Variants in UBE2L5 observed in about 807,000 individuals in gnomAD.
UBE2L5 encodes ubiquitin conjugating enzyme E2 L5.
In UBE2L5, 3 loss-of-function variants were observed where a neutral mutation model predicts 10.0. The observed-to-expected ratio is 0.30, with a 90% CI of 0.14 to 0.78. The LOEUF (loss-of-function observed/expected upper bound fraction) is 0.78, where lower values mean the gene tolerates loss of function less well. UBE2L5 is among the 30% of genes least tolerant of loss of function. The probability of loss-of-function intolerance (pLI) is 0.65; values close to 1 mark genes in which losing one functional copy is unlikely to be tolerated. For missense variants in UBE2L5, 131 were observed against 193.3 expected, an observed-to-expected ratio of 0.68 and a Z score of 1.91; for synonymous variants, 60 against 71.9, an observed-to-expected ratio of 0.83 and a Z score of 0.83.
Position 30,428,350 on chromosome 13 carries a change from G to T in UBE2L5, c.360G>T (p.Pro120=), listed in dbSNP as rs1239280545. The change falls in exon 4 of 4, where the codon CCG becomes CCT. Residue 120 remains proline, a synonymous_variant. Transcript: ENST00000635918. ...TGAATGACCCGCAGCCCGAGCACCCGCTTCGGGCTGACCTAGCTGAAGAAT... is the reference window on the plus strand; with the variant it reads ...TGAATGACCCGCAGCCCGAGCACCCTCTTCGGGCTGACCTAGCTGAAGAAT... The part of the protein sequence containing the change: ...ALVNDPQPEH[P]LRADLAEEYS... 5.6e-6 allele frequency: 9 copies of T among 1,611,198 alleles called. No homozygotes were observed. The highest frequency in any genetic ancestry group is 5.9e-6 in the Non-Finnish European group (7 of 1,178,834).
chr13:30,427,859 T>G lies in UBE2L5; in HGVS notation c.-132T>G, dbSNP rs1186680333. On this transcript the variant is annotated 5_prime_UTR_variant, in exon 4 of 4. Coordinates refer to ENST00000635918, the MANE Select transcript of UBE2L5 (RefSeq NM_001355247.2). ...GTGGATGATCACTCTAACCAACCAGTGGGCAAGTTGCTTTGCTCAGCGTAA... is the reference window on the plus strand; with the variant it reads ...GTGGATGATCACTCTAACCAACCAGGGGGCAAGTTGCTTTGCTCAGCGTAA... 1.4e-6 allele frequency: 1 copy of G among 715,934 alleles called. No homozygotes were observed. The highest frequency in any genetic ancestry group is 1.8e-5 in the African/African-American group (1 of 56,704). 44.3% of individuals were successfully genotyped at this position (715,934 alleles called of 1,614,324 possible). A position where few individuals can be genotyped will look rare whatever the true frequency, so the allele number is the denominator to read the frequency against.
rs1885576605 is a variant in UBE2L5 at position 30,428,697 on chromosome 13, ACACTGGACTAGTTGTTGTTTT to A, written c.*243_*263del. The stretch of plus-strand genomic sequence containing the variant: ...AGTGGCCATTAATAGACGGAACTAT[ACACTGGACTAGTTGTTGTTTT>A]AAAAACATAAAATCTGGCTACCCTA... On this transcript the variant is annotated 3_prime_UTR_variant, in exon 4 of 4. Coordinates refer to ENST00000635918, the MANE Select transcript of UBE2L5 (RefSeq NM_001355247.2). 2.1e-6 allele frequency: 1 copy of A among 471,776 alleles called. No individual in the cohort carries two copies. The highest frequency in any genetic ancestry group is 2.0e-5 in the African/African-American group (1 of 48,932). The allele number at this position is 471,776 out of a possible 1,614,324, so 29.2% of individuals were successfully genotyped here. A position where few individuals can be genotyped will look rare whatever the true frequency, so the allele number is the denominator to read the frequency against.
intron 3 of UBE2L5, chr13:30,426,996 T>C (rs1004979456): frequency 6.6e-6 from 1 of 152,238 alleles, no homozygotes; most frequent in Admixed American, 6.5e-5. Context: ...TAATTTATTG[T>C]AAAAGATAAT....
At position 30,427,597 on chromosome 13, in the gene UBE2L5, C is replaced by T. The variant is rs529632194; in HGVS notation, c.-394C>T. ...GGCGGATCACTTGAGGTCAGGAGTT[C>T]GAGACTAGCCAGGCCAACATGGTGA... On this transcript the variant is annotated 5_prime_UTR_variant, in exon 4 of 4. Transcript: ENST00000635918. 1.0e-5 allele frequency: 2 copies of T among 193,464 alleles called. No homozygotes were observed. Among genetic ancestry groups the T allele is most frequent in the African/African-American group, 2.4e-5 (1 of 41,964 alleles). The allele number at this position is 193,464 out of a possible 1,614,324, so 12.0% of individuals were successfully genotyped here.
At chr13:30,423,391 C>A (rs946188296) in intron 1 of UBE2L5, among the ~76,000 whole-genome samples, 1 of 152,102 alleles carries the variant, frequency 6.6e-6, no homozygotes, top group Non-Finnish European at 1.5e-5. Flanking sequence ...GCAGGAGGAT[C>A]ATTTGAGTCC....
In UBE2L5 at chr13:30,428,125, G is replaced by A. The variant is rs1034650770; in HGVS notation, c.135G>A (p.Pro45=). The part of the protein sequence containing the change: ...WQGLIVPDNP[P]YNKGAFRIEI... ...GGCTTATTGTTCCTGACAACCCTCC[G>A]TATAATAAGGGGGCCTTCAGAATCG... The change falls in exon 4 of 4, where the codon CCG becomes CCA. Residue 45 remains proline (P), a synonymous_variant. Transcript: ENST00000635918. The A allele has an allele frequency of 3.1e-6, 5 of 1,608,220 alleles. No individual in the cohort carries two copies. Among genetic ancestry groups the A allele is most frequent in the East Asian group, 4.5e-5 (2 of 44,860 alleles).
rs1383439516 is a variant in UBE2L5, at chr13:30,428,220, C to T, written c.230C>T (p.Pro77Leu). 1.2e-6 allele frequency: 2 copies of T among 1,609,256 alleles called. No homozygotes were observed. Among genetic ancestry groups the T allele is most frequent in the Admixed American group, 1.7e-5 (1 of 59,954 alleles). Residue 77 changes from proline to leucine, a missense_variant, in exon 4 of 4, where the codon CCG becomes CTG. By Grantham distance (98) the Pro-to-Leu change is moderately conservative (BLOSUM62 -3). Transcript: ENST00000635918. ...RITFKTKIYH[P>L]NIDEKGQVCL... ...ACATTTAAAACAAAGATCTATCACC[C>T]GAACATCGACGAAAAGGGGCAGGTC...
rs997281070 is a variant in UBE2L5 at position 30,428,520 on chromosome 13, G to T, written c.*65G>T. The T allele has an allele frequency of 5.1e-6, 8 of 1,559,830 alleles. No homozygotes were observed. The African/African-American group carries it at 9.7e-5, about 19-fold the overall frequency. On this transcript the variant is annotated 3_prime_UTR_variant, in exon 4 of 4. Transcript: ENST00000635918. Reference sequence around the variant, plus strand: ...CCCGTGCAGTACATTCAGACACCCCGCAAAGCAGGACTCTGTGGAAATTGA... The same window carrying T: ...CCCGTGCAGTACATTCAGACACCCCTCAAAGCAGGACTCTGTGGAAATTGA...
At chr13:30,426,840 T>C (rs150596177) in intron 3 of UBE2L5, 62 bp downstream of exon 3, 4 of 152,368 alleles carry the variant, frequency 2.6e-5, no homozygotes, top group African/African-American at 7.2e-5. Context: ...AGAAGTCTTA[T>C]TGAAGCCAAG....
In UBE2L5 at chr13:30,428,020, G is replaced by T. The variant is rs1885564754; in HGVS notation, c.30G>T (p.Glu10Asp). ...CGGCCAGCAGGAGGCTGATGAAGGA[G>T]CTTGAAGAAATCCGCAAATGTGGAA... MAASRRLMK[E>D]LEEIRKCGME... Residue 10 changes from glutamate to aspartate, a missense_variant, in exon 4 of 4, where the codon GAG (glutamate) becomes GAT (aspartate). Coordinates refer to ENST00000635918, the MANE Select transcript of UBE2L5 (RefSeq NM_001355247.2). The T allele has an allele frequency of 6.2e-7, 1 of 1,603,566 alleles. No individual in the cohort carries two copies. The highest frequency in any genetic ancestry group is 8.5e-7 in the Non-Finnish European group (1 of 1,170,480).
intron 1 of UBE2L5, among the ~76,000 whole-genome samples, 175 bp from the exon 2 acceptor site, chr13:30,424,633 C>A (rs1177897408): frequency 6.6e-6 from 1 of 152,148 alleles, no homozygotes; most frequent in African/African-American, 2.4e-5. Flanking sequence ...ATAGTTATAA[C>A]CAAACTACCT....
chr13:30,426,517 C>T (rs1159411315), intron 2 of UBE2L5, among the ~76,000 whole-genome samples: 2 of 152,090 alleles, frequency 1.3e-5, no homozygotes, highest in Non-Finnish European at 2.9e-5. Context: ...TATTTTGAAT[C>T]GTACTTGTTC....
chr13:30,428,556 C>T lies in UBE2L5; in HGVS notation c.*101C>T. 2 of 1,373,722 alleles carry T rather than the reference C, an allele frequency of 1.5e-6. No individual in the cohort carries two copies. Among genetic ancestry groups the T allele is most frequent in the South Asian group, 2.7e-5 (2 of 73,586 alleles). 85.1% of individuals were successfully genotyped at this position (1,373,722 alleles called of 1,614,324 possible). A position where few individuals can be genotyped will look rare whatever the true frequency, so the allele number is the denominator to read the frequency against. ...CTCTGTGGAAATTGATACGTGCCAC[C>T]GTCTGGCGTTCGCTTGCAGCAGTTA... On this transcript the variant is annotated 3_prime_UTR_variant, in exon 4 of 4. Coordinates refer to ENST00000635918, the MANE Select transcript of UBE2L5 (RefSeq NM_001355247.2).
Position 30,428,672 on chromosome 13 carries a change from A to T in UBE2L5, c.*217A>T. ...TTAAGATGTTCTTAAAAAAAAAAAA[A>T]GTGGCCATTAATAGACGGAACTATA... is the stretch of plus-strand genomic sequence containing the variant. On this transcript the variant is annotated 3_prime_UTR_variant, in exon 4 of 4. Coordinates refer to ENST00000635918, the MANE Select transcript of UBE2L5 (RefSeq NM_001355247.2). 1.8e-6 allele frequency: 1 copy of T among 542,094 alleles called. No individual in the cohort carries two copies. Among genetic ancestry groups the T allele is most frequent in the Non-Finnish European group, 3.1e-6 (1 of 319,188 alleles). 33.6% of individuals were successfully genotyped at this position (542,094 alleles called of 1,614,324 possible). A position where few individuals can be genotyped will look rare whatever the true frequency, so the allele number is the denominator to read the frequency against.
chr13:30,426,319 A>C, intron 2 of UBE2L5, among the ~76,000 whole-genome samples: 1 of 152,176 alleles, frequency 6.6e-6, no homozygotes, highest in East Asian at 1.9e-4. Flanking sequence ...CTCAAAAAAA[A>C]CAAAAAAGAA....
At chr13:30,423,707 G>A (rs1593238274) in intron 1 of UBE2L5, among the ~76,000 whole-genome samples, 2 of 152,326 alleles carry the variant, frequency 1.3e-5, no homozygotes, top group Non-Finnish European at 1.5e-5. Flanking sequence ...GGGAAGGTAG[G>A]GTAATAGAAA....
At position 30,427,971 on chromosome 13, in the gene UBE2L5, G is replaced by A. The variant is rs756108114; in HGVS notation, c.-20G>A. ...CGTTACCACGATGCATTCTGGGAAAGAAGCAGCACCAAATCCAAGATGGCG... is the reference window on the plus strand; with the variant it reads ...CGTTACCACGATGCATTCTGGGAAAAAAGCAGCACCAAATCCAAGATGGCG... On this transcript the variant is annotated 5_prime_UTR_variant, in exon 4 of 4. Coordinates refer to ENST00000635918, the MANE Select transcript of UBE2L5 (RefSeq NM_001355247.2). 40 of 1,442,338 alleles carry A rather than the reference G, an allele frequency of 2.8e-5. No homozygotes were observed. Among genetic ancestry groups the A allele is most frequent in the Non-Finnish European group, 3.7e-5 (38 of 1,024,812 alleles). The allele number at this position is 1,442,338 out of a possible 1,614,324, so 89.3% of individuals were successfully genotyped here. A position where few individuals can be genotyped will look rare whatever the true frequency, so the allele number is the denominator to read the frequency against.
chr13:30,428,013 TGAAG>T lies in UBE2L5; in HGVS notation c.26_29del (p.Lys9SerfsTer24). 2 of 1,596,134 alleles carry T rather than the reference TGAAG, an allele frequency of 1.3e-6. No individual in the cohort carries two copies. Among genetic ancestry groups the T allele is most frequent in the Non-Finnish European group, 1.7e-6 (2 of 1,163,660 alleles). ...AAGATGGCGGCCAGCAGGAGGCTGA[TGAAG>T]GAGCTTGAAGAAATCCGCAAATGTG... is the stretch of plus-strand genomic sequence containing the variant. On this transcript the variant is annotated frameshift_variant, in exon 4 of 4. Coordinates refer to ENST00000635918, the MANE Select transcript of UBE2L5 (RefSeq NM_001355247.2). LOFTEE classifies it high-confidence loss of function.
At chr13:30,424,034 A>C (rs941737782) in intron 1 of UBE2L5, among the ~76,000 whole-genome samples, 3 of 152,136 alleles carry the variant, frequency 2.0e-5, no homozygotes, top group African/African-American at 4.8e-5. Flanking sequence ...CTTTTGAATT[A>C]GTTATGGATA....
Sources: gnomAD v4.1 joint callset for allele counts (sites outside exome capture counted in the v4.1 genomes callset) on GRCh38, gnomAD v4.1.1 for gene constraint, MANE v1.5 for transcripts, NCBI Gene and HGNC (gene_info 2026-07-23, HGNC 2026-07-21) for gene names.